Variants in DAB1 observed in about 807,000 individuals in gnomAD.
DAB1 encodes the protein disabled homolog 1.
A neutral mutation model predicts 64.6 loss-of-function variants in DAB1; 15 were observed. That is an observed-to-expected ratio of 0.23 (90% CI 0.16 to 0.36). The LOEUF is 0.36. Ranked by LOEUF, DAB1 falls within the 10% of genes least tolerant of loss-of-function variation. The pLI is 1.00. For synonymous variants in DAB1, 235 were observed against 251.9 expected (o/e 0.93, Z 0.64); for missense variants, 596 against 706.7 (o/e 0.84, Z 1.78).
chr1:57,256,718 C>T (rs1669791858), intron 2 of DAB1, among the ~76,000 whole-genome samples: 1 of 152,208 alleles, frequency 6.6e-6, no homozygotes, highest in South Asian at 2.1e-4. Context: ...GTTCTGTATT[C>T]TCAATTTTCT....
At chr1:58,071,280 T>C (rs993477897) in intron 5 of DAB1, among the ~76,000 whole-genome samples, 1 of 151,948 alleles carries the variant, frequency 6.6e-6, no homozygotes, top group Non-Finnish European at 1.5e-5. Flanking sequence ...TGTACTATCC[T>C]GGGAGAACAC....
At chr1:57,672,135 C>T (rs570286872) in intron 6 of DAB1, among the ~76,000 whole-genome samples, 1 of 152,180 alleles carries the variant, frequency 6.6e-6, no homozygotes, top group Non-Finnish European at 1.5e-5. Flanking sequence ...CTCATGGTGT[C>T]ATATCCAGTC....
At chr1:58,541,558 A>G (rs1248255180) in intron 1 of DAB1, 4 of 130,872 alleles carry the variant, frequency 3.1e-5, no homozygotes, top group African/African-American at 1.1e-4. Context: ...AAGAGACTGC[A>G]GTGAGCCAAA....
chr1:57,331,787 C>T (rs1409270140), intron 1 of DAB1, among the ~76,000 whole-genome samples: 1 of 152,180 alleles, frequency 6.6e-6, no homozygotes, highest in Non-Finnish European at 1.5e-5. Flanking sequence ...TTCCTTTTGA[C>T]TTGGCACTGA....
chr1:58,541,614 CAAAAAAAA>C (rs60360589), intron 1 of DAB1: 10 of 65,634 alleles, frequency 1.5e-4, no homozygotes, highest in South Asian at 7.5e-4. Flanking sequence ...GAGAACCTGT[CAAAAAAAA>C]AAAAAAAAAA....
intron 4 of DAB1, among the ~76,000 whole-genome samples, chr1:58,309,325 A>G (rs1346327200): frequency 6.6e-6 from 1 of 152,134 alleles, no homozygotes; most frequent in Non-Finnish European, 1.5e-5. Context: ...TATTTAGCAT[A>G]TTACCCTTCC....
At chr1:57,810,309 G>A (rs1651559318) in intron 6 of DAB1, among the ~76,000 whole-genome samples, 1 of 152,196 alleles carries the variant, frequency 6.6e-6, no homozygotes, top group Non-Finnish European at 1.5e-5. Context: ...AGACAGAGGA[G>A]GATGGCACAG....
At chr1:57,792,029 G>A (rs895674048) in intron 6 of DAB1, among the ~76,000 whole-genome samples, 1 of 152,058 alleles carries the variant, frequency 6.6e-6, no homozygotes, top group Non-Finnish European at 1.5e-5. Flanking sequence ...TTTTTTAAAG[G>A]AATGCCTTTT....
intron 6 of DAB1, among the ~76,000 whole-genome samples, chr1:57,751,408 A>G (rs1472434301): frequency 6.6e-6 from 1 of 152,096 alleles, no homozygotes; most frequent in Non-Finnish European, 1.5e-5. Context: ...GGGGAGACAA[A>G]GGGGGCTCCT....
chr1:58,332,229 A>C lies in DAB1; in HGVS notation n.309+11123T>G, dbSNP rs537667060. 2.6e-5 allele frequency among the ~76,000 whole-genome samples: 4 copies of C among 152,070 alleles called. No homozygotes were observed. The South Asian group carries it at 8.3e-4, about 32-fold the overall frequency. On this transcript the variant is annotated intron_variant and non_coding_transcript_variant, in intron 4 of 20. Coordinates refer to the DAB1 transcript ENST00000485760. The stretch of plus-strand genomic sequence containing the variant: ...ACTGTAGATTCCACCTTCCCTTTTG[A>C]AACTCCCCTCCCTGAATTATTTATG...
intron 5 of DAB1, among the ~76,000 whole-genome samples, chr1:58,087,056 C>T (rs537756577): frequency 6.6e-5 from 10 of 152,260 alleles, no homozygotes; most frequent in Admixed American, 5.9e-4. Context: ...AGCCATGTGG[C>T]ATTAGGCAAA....
chr1:57,555,158 C>T (rs749323266), intron 7 of DAB1, among the ~76,000 whole-genome samples: 1 of 150,304 alleles, frequency 6.7e-6, no homozygotes, highest in Non-Finnish European at 1.5e-5. Context: ...TCTCAGCCTC[C>T]CAAGTAGCTG....
At chr1:57,055,670 T>C (rs1649676731) in intron 9 of DAB1, among the ~76,000 whole-genome samples, 1 of 152,214 alleles carries the variant, frequency 6.6e-6, no homozygotes, top group Admixed American at 6.5e-5. Context: ...GCCATGTTAC[T>C]GATTTATCTC....
intron 3 of DAB1, among the ~76,000 whole-genome samples, chr1:58,431,201 G>A (rs1253391796): frequency 6.6e-6 from 1 of 152,062 alleles, no homozygotes; most frequent in Non-Finnish European, 1.5e-5. Flanking sequence ...TGTGAATCAT[G>A]CTCCTAAAAA....
intron 7 of DAB1, among the ~76,000 whole-genome samples, chr1:57,617,748 C>T (rs1249653054): frequency 6.6e-6 from 1 of 152,162 alleles, no homozygotes; most frequent in Non-Finnish European, 1.5e-5. Context: ...ATCAGAGGTA[C>T]TGAAATCGAA....
chr1:57,790,281 C>T (rs1650533331), intron 6 of DAB1, among the ~76,000 whole-genome samples: 5 of 152,154 alleles, frequency 3.3e-5, no homozygotes, highest in Admixed American at 3.3e-4. Flanking sequence ...AGGGAGTTCT[C>T]ACGAGATTTG....
intron 7 of DAB1, among the ~76,000 whole-genome samples, chr1:57,478,058 C>T (rs1245430842): frequency 1.4e-5 from 2 of 147,750 alleles, no homozygotes; most frequent in Non-Finnish European, 3.0e-5. Flanking sequence ...CCCCCGCCCC[C>T]GACCCCACAA....
intron 4 of DAB1, among the ~76,000 whole-genome samples, chr1:58,248,460 G>A (rs1660653102): frequency 6.6e-6 from 1 of 152,134 alleles, no homozygotes; most frequent in Admixed American, 6.5e-5. Context: ...TAAATGCCAG[G>A]GAGATCTATT....
At chr1:58,479,280 C>G (rs1033782164) in intron 3 of DAB1, among the ~76,000 whole-genome samples, 9 of 152,114 alleles carry the variant, frequency 5.9e-5, no homozygotes, top group Non-Finnish European at 8.8e-5. Flanking sequence ...TTACAATACT[C>G]CAATCACAAG....
Sources: allele counts gnomAD v4.1 joint callset (sites outside exome capture counted in the v4.1 genomes callset), GRCh38; gene constraint gnomAD v4.1.1; transcripts MANE v1.5; gene names NCBI Gene and HGNC (gene_info 2026-07-23, HGNC 2026-07-21).